Variants in LATS2 observed in about 807,000 individuals in gnomAD.
LATS2 encodes large tumor suppressor kinase 2, also known as serine/threonine-protein kinase LATS2.
A neutral mutation model predicts 76.0 loss-of-function variants in LATS2; 24 were observed. The observed-to-expected ratio is 0.32, with a 90% CI of 0.23 to 0.44. LATS2 has a LOEUF of 0.44. Among genes scored for constraint, LATS2 ranks in the 20% least tolerant of loss-of-function variants. The pLI is 1.00. For synonymous variants in LATS2, 692 were observed against 635.4 expected (o/e 1.09, Z -1.34); for missense variants, 1,286 against 1,481.2 (o/e 0.87, Z 2.16).
chr13:21,057,552 C>A (rs1378558523), intron 1 of LATS2, among the ~76,000 whole-genome samples: 3 of 152,138 alleles, frequency 2.0e-5, no homozygotes, highest in African/African-American at 7.2e-5. Context: ...CGCGGTGGCT[C>A]ATGCCTGTAG....
intron 2 of LATS2, among the ~76,000 whole-genome samples, chr13:21,003,816 T>C (rs1871151331): frequency 6.6e-6 from 1 of 152,254 alleles, no homozygotes; most frequent in South Asian, 2.1e-4. Flanking sequence ...TCAAGCACTC[T>C]GTGCATCTCA....
chr13:21,050,421 T>C (rs2138412776), intron 1 of LATS2, among the ~76,000 whole-genome samples: 1 of 152,144 alleles, frequency 6.6e-6, no homozygotes, highest in South Asian at 2.1e-4. Flanking sequence ...ACACCAAGGA[T>C]TAGTCTGACC....
chr13:21,014,848 CCTT>C (rs764633061), intron 2 of LATS2, among the ~76,000 whole-genome samples: 11 of 152,244 alleles, frequency 7.2e-5, no homozygotes, highest in Non-Finnish European at 1.3e-4. Flanking sequence ...TACCATGCAA[CCTT>C]CTTTTTCCAG....
At chr13:21,007,708 ATATATATATATATAGTATATATATATAG>A in intron 2 of LATS2, among the ~76,000 whole-genome samples, 1 of 14,486 alleles carries the variant, frequency 6.9e-5, no homozygotes, top group African/African-American at 4.3e-4. Context: ...TAGTATGTAT[ATATATATATATATAGTATATATATATAG>A]TATATATATA....
At chr13:21,036,329 G>C (rs1264778599) in intron 2 of LATS2, among the ~76,000 whole-genome samples, 1 of 152,050 alleles carries the variant, frequency 6.6e-6, no homozygotes, top group Non-Finnish European at 1.5e-5. Context: ...ACTGTGCCTG[G>C]CCAAAAGCCC....
chr13:21,033,171 G>C (rs1024104298), intron 2 of LATS2, among the ~76,000 whole-genome samples: 6 of 151,890 alleles, frequency 4.0e-5, no homozygotes, highest in Non-Finnish European at 7.4e-5. Flanking sequence ...TTAACAGAAA[G>C]ACTGGAAGTG....
chr13:21,007,693 A>ATAGTG (rs1565952259), intron 2 of LATS2, among the ~76,000 whole-genome samples: 1 of 1,088 alleles, frequency 9.2e-4, no homozygotes, highest in Non-Finnish European at 3.0e-3. Context: ...GTATATATAT[A>ATAGTG]TATATAGTAT....
At chr13:21,045,644 T>A in intron 2 of LATS2, 41 bp downstream of exon 2, 1 of 1,518,820 alleles carries the variant, frequency 6.6e-7, no homozygotes, top group Non-Finnish European at 9.0e-7. Context: ...AGCTGTCCCA[T>A]AGCTGCCTCT....
At chr13:21,006,587 C>T (rs1246608443) in intron 2 of LATS2, among the ~76,000 whole-genome samples, 1 of 152,202 alleles carries the variant, frequency 6.6e-6, no homozygotes, top group East Asian at 1.9e-4. Flanking sequence ...GGGCTCCAAG[C>T]CACTCCTGGC....
intron 2 of LATS2, among the ~76,000 whole-genome samples, chr13:21,021,239 G>C (rs905365862): frequency 3.3e-5 from 5 of 152,106 alleles, no homozygotes; most frequent in Non-Finnish European, 7.4e-5. Flanking sequence ...TTGGGAGGCT[G>C]ATGCAGGTGG....
At chr13:21,002,286 T>C (rs951430488) in intron 2 of LATS2, among the ~76,000 whole-genome samples, 4 of 152,104 alleles carry the variant, frequency 2.6e-5, no homozygotes, top group African/African-American at 4.8e-5. Context: ...CAGTAGATAA[T>C]TGATAACTGG....
At chr13:21,040,598 G>C (rs17061752) in intron 2 of LATS2, among the ~76,000 whole-genome samples, 1 of 152,060 alleles carries the variant, frequency 6.6e-6, no homozygotes, top group Non-Finnish European at 1.5e-5. Context: ...GGGAAGAGCT[G>C]TCTGGGAGGC....
intron 2 of LATS2, among the ~76,000 whole-genome samples, chr13:21,022,569 A>G (rs140528265): frequency 6.6e-6 from 1 of 152,318 alleles, no homozygotes; most frequent in African/African-American, 2.4e-5. Flanking sequence ...TCCCTCATTC[A>G]AAATGTTTGA....
chr13:21,007,626 A>G (rs187684651), intron 2 of LATS2, among the ~76,000 whole-genome samples: 34 of 308 alleles, frequency 0.11, 7 homozygotes, highest in South Asian at 0.75. Context: ...TATATAGTGT[A>G]TATATATATA....
At position 20,973,183 on chromosome 13, in the gene LATS2, C is replaced by T. The variant is rs1217181043; in HGVS notation, c.*1687G>A. ...GAGCGCTGTGAGTAACAACATGGCA[C>T]GACTATAAAATAGCGAGAATACTGA... On this transcript the variant is annotated 3_prime_UTR_variant, in exon 8 of 8. Transcript: ENST00000382592. 3 of 232,440 alleles carry T rather than the reference C, an allele frequency of 1.3e-5. No homozygotes were observed. Among genetic ancestry groups the T allele is most frequent in the Admixed American group, 5.6e-5 (1 of 17,756 alleles). 14.4% of individuals were successfully genotyped at this position (232,440 alleles called of 1,614,324 possible). A position where few individuals can be genotyped will look rare whatever the true frequency, so the allele number is the denominator to read the frequency against.
Position 21,010,075 on chromosome 13 carries a change from C to T in LATS2, c.343-18671G>A, listed in dbSNP as rs192000494. Among the ~76,000 whole-genome samples the T allele has an allele frequency of 8.5e-5, 13 of 152,186 alleles. No homozygotes were observed. In the East Asian group the frequency reaches 2.5e-3, roughly 29 times the overall value. On this transcript the variant is annotated intron_variant, in intron 2 of 7. Transcript: ENST00000382592. ...ATGAGCCGGGCATGGTGGTGTGTGC[C>T]TGAAATCCCAGCTACTCGGGAGGCT...
intron 2 of LATS2, among the ~76,000 whole-genome samples, chr13:21,026,622 A>G (rs1872320969): frequency 6.6e-6 from 1 of 152,226 alleles, no homozygotes; most frequent in Non-Finnish European, 1.5e-5. Flanking sequence ...GTAGATATAT[A>G]GGAGAGGAAT....
chr13:21,054,734 T>A (rs1873394907), intron 1 of LATS2, among the ~76,000 whole-genome samples: 1 of 152,028 alleles, frequency 6.6e-6, no homozygotes, highest in Non-Finnish European at 1.5e-5. Flanking sequence ...GCCGTGTCCC[T>A]AGCCAGATCA....
chr13:21,020,351 C>CA (rs1404749560), intron 2 of LATS2, among the ~76,000 whole-genome samples: 7 of 152,182 alleles, frequency 4.6e-5, no homozygotes, highest in African/African-American at 1.7e-4. Flanking sequence ...AAAGTAATGA[C>CA]AAAAACCTCA....
Sources: allele counts gnomAD v4.1 joint callset (sites outside exome capture counted in the v4.1 genomes callset), GRCh38; gene constraint gnomAD v4.1.1; transcripts MANE v1.5; gene names NCBI Gene and HGNC (gene_info 2026-07-23, HGNC 2026-07-21).